IL3RA: variants seen among roughly 807,000 people sequenced by gnomAD.
IL3RA encodes interleukin 3 receptor subunit alpha.
In IL3RA, 73 loss-of-function variants were observed where a neutral mutation model predicts 52.3. That is an observed-to-expected ratio of 1.40 (90% confidence interval 1.16 to 1.70). IL3RA has a LOEUF of 1.70. Ranked by LOEUF, IL3RA falls within the 40% of genes most tolerant of loss-of-function variation. The pLI, the probability that IL3RA is intolerant of heterozygous loss-of-function variation, is 0.00. For synonymous variants in IL3RA, 260 were observed against 194.0 expected, an observed-to-expected ratio of 1.34 and a Z score of -2.83; for missense variants, 664 against 504.4, an observed-to-expected ratio of 1.32 and a Z score of -3.03.
rs574996377 is a variant in IL3RA, at chrX:1,348,309, C to T, written c.184-122C>T. 756 of 765,496 alleles carry T rather than the reference C, an allele frequency of 9.9e-4. 12 individuals are homozygous for T. The South Asian group carries it at 0.01, about 11-fold the overall frequency. 47.4% of individuals were successfully genotyped at this position (765,496 alleles called of 1,614,324 possible). ...GAGAGGCTGCAGTGAGCCGAGATCACGCCACTGCACTCCAGCGTGGGCGAC... is the reference window on the plus strand; with the variant it reads ...GAGAGGCTGCAGTGAGCCGAGATCATGCCACTGCACTCCAGCGTGGGCGAC... On this transcript the variant is annotated intron_variant, in intron 3 of 11. Coordinates refer to ENST00000331035, the MANE Select transcript of IL3RA (RefSeq NM_002183.4).
chrX:1,357,206 G>A (rs1430377224), intron 7 of IL3RA, among the ~76,000 whole-genome samples: 8 of 151,864 alleles, frequency 5.3e-5, no homozygotes, highest in Non-Finnish European at 1.0e-4. Flanking sequence ...CACCCGCCTC[G>A]GCCTCCCAAA....
intron 9 of IL3RA, among the ~76,000 whole-genome samples, chrX:1,368,697 G>C (rs1389968621): frequency 6.6e-5 from 10 of 151,624 alleles, no homozygotes; most frequent in Admixed American, 5.3e-4. Context: ...ACAGAGGGAC[G>C]ACCCTGTGGG....
At chrX:1,380,650 AG>A (rs2089132677) in intron 10 of IL3RA, among the ~76,000 whole-genome samples, 2 of 30,134 alleles carry the variant, frequency 6.6e-5, no homozygotes, top group Admixed American at 4.6e-4. Flanking sequence ...GGGGAGGGGG[AG>A]AGGGAGGGGT....
Position 1,340,115 on chromosome X carries a change from CTTTTTT to C in IL3RA, c.-38-1600_-38-1595del, listed in dbSNP as rs779128210. On this transcript the variant is annotated intron_variant, in intron 1 of 11. Transcript: ENST00000331035. The stretch of plus-strand genomic sequence containing the variant: ...GGGCAGCAACTCTTTCTTTTCTTTT[CTTTTTT>C]TTTTTTTTTTTTGAGACGGAGTCTC... 7.1e-4 allele frequency among the ~76,000 whole-genome samples: 90 copies of C among 127,196 alleles called. 1 individual carries two copies. Among genetic ancestry groups the C allele is most frequent in the African/African-American group, 2.6e-3 (88 of 34,472 alleles). 83.4% of individuals were successfully genotyped at this position (127,196 alleles called of 152,430 possible).
Position 1,355,826 on chromosome X carries a change from G to C in IL3RA, c.617-395G>C, listed in dbSNP as rs17880784. Reference sequence around the variant, plus strand: ...GGCATGGGAAGTAGGGGTTGGCCCTGGGCAGGGGTGGGGAGTGGGCCAGGC... The same window carrying C: ...GGCATGGGAAGTAGGGGTTGGCCCTCGGCAGGGGTGGGGAGTGGGCCAGGC... On this transcript the variant is annotated intron_variant, in intron 6 of 11. Transcript: ENST00000331035. Among the ~76,000 whole-genome samples the C allele has an allele frequency of 2.8e-3, 429 of 152,128 alleles. 1 individual carries two copies. The highest frequency in any genetic ancestry group is 0.01 in the African/African-American group (415 of 41,482).
intron 7 of IL3RA, among the ~76,000 whole-genome samples, chrX:1,358,117 A>G (rs1348530997): frequency 6.6e-6 from 1 of 151,876 alleles, no homozygotes; most frequent in Non-Finnish European, 1.5e-5. Flanking sequence ...GAGAAAAAAA[A>G]AAAAAGAAAA....
intron 7 of IL3RA, among the ~76,000 whole-genome samples, chrX:1,358,109 G>GA (rs1300082205): frequency 1.1e-3 from 152 of 132,886 alleles, no homozygotes; most frequent in Middle Eastern, 3.9e-3. Flanking sequence ...CGTCTCAGGA[G>GA]AAAAAAAAAA....
rs2085456842 is a variant in IL3RA at position 1,340,733 on chromosome X, C to T, written c.-38-995C>T. Among the ~76,000 whole-genome samples, 3 of 152,168 alleles carry T rather than the reference C, an allele frequency of 2.0e-5. No individual in the cohort carries two copies. In the South Asian group the frequency reaches 6.2e-4, roughly 32 times the overall value. ...GGGCACGGTGGCTCACACCTGTAAT[C>T]TCAGCACTTGGCGAGGAAAAGGCGG... On this transcript the variant is annotated intron_variant, in intron 1 of 11. Coordinates refer to ENST00000331035, the MANE Select transcript of IL3RA (RefSeq NM_002183.4).
intron 11 of IL3RA, 87 bp from the exon 12 acceptor site, chrX:1,382,304 G>C (rs1371660255): frequency 1.1e-5 from 13 of 1,171,014 alleles, no homozygotes; most frequent in African/African-American, 4.5e-5. Context: ...GAGCAGATCT[G>C]AGATGGGACA....
chrX:1,359,952 C>A (rs1357514350), intron 8 of IL3RA, among the ~76,000 whole-genome samples: 1 of 143,482 alleles, frequency 7.0e-6, no homozygotes, highest in Non-Finnish European at 1.5e-5. Context: ...TCTGTTTCTC[C>A]GTGTCTGTCT....
intron 7 of IL3RA, 92 bp downstream of exon 7, chrX:1,356,428 A>C (rs34573150): frequency 2.7e-6 from 2 of 732,730 alleles, no homozygotes; most frequent in South Asian, 3.3e-5. Context: ...ACGGGCAACA[A>C]TCTCCTCTGA....
intron 4 of IL3RA, among the ~76,000 whole-genome samples, chrX:1,351,483 C>T (rs1316854846): frequency 1.2e-4 from 18 of 150,948 alleles, no homozygotes; most frequent in Admixed American, 9.9e-4. Flanking sequence ...GGCCCGACAT[C>T]ACGCCCGGCT....
chrX:1,348,471 T>C lies in IL3RA; in HGVS notation c.224T>C (p.Leu75Ser), dbSNP rs758901711. The C allele has an allele frequency of 2.5e-6, 4 of 1,613,802 alleles. No homozygotes were observed. The highest frequency in any genetic ancestry group is 2.2e-5 in the South Asian group (2 of 91,084). The change falls in exon 4 of 12, where the codon TTA becomes TCA. Residue 75 changes from leucine to serine, a missense_variant. Coordinates refer to ENST00000331035, the MANE Select transcript of IL3RA (RefSeq NM_002183.4). ...TATTGCCAGTTTGGAGCAATTTCCT[T>C]ATGTGAAGTGACCAACTACACCGTC... is the stretch of plus-strand genomic sequence containing the variant. ...NSYCQFGAISLCEVTNYTVRV... is the reference protein window; with the variant it reads ...NSYCQFGAISSCEVTNYTVRV...
chrX:1,348,520 C>G lies in IL3RA; in HGVS notation c.273C>G (p.Ser91=), dbSNP rs143492315. 3 of 1,613,562 alleles carry G rather than the reference C, an allele frequency of 1.9e-6. No individual in the cohort carries two copies. In the Admixed American group the frequency reaches 5.0e-5, roughly 27 times the overall value. ...YTVRVANPPF[S]TWILFPENSG... is the part of the protein sequence containing the mutation. ...TCCGAGTGGCCAACCCACCATTCTC[C>G]ACGTGGATCCTCTTCCCTGAGAACA... Residue 91 remains serine, a synonymous_variant, in exon 4 of 12, where the codon TCC becomes TCG. Transcript: ENST00000331035.
At position 1,362,697 on chromosome X, in the gene IL3RA, G is replaced by T. The variant is rs140212003; in HGVS notation, c.760-2441G>T. ...GCTCCTGGGGACTCTGGGGTCCCTG[G>T]GCTTGTGGCCATATCACTCCACTCT... On this transcript the variant is annotated intron_variant, in intron 8 of 11. Coordinates refer to ENST00000331035, the MANE Select transcript of IL3RA (RefSeq NM_002183.4). Among the ~76,000 whole-genome samples, 460 of 152,168 alleles carry T rather than the reference G, an allele frequency of 3.0e-3. 2 individuals carry two copies. Among genetic ancestry groups the T allele is most frequent in the African/African-American group, 9.9e-3 (410 of 41,538 alleles).
rs1354448506 is a variant in IL3RA at position 1,352,618 on chromosome X, A to T, written c.616+112A>T. 9 of 1,127,710 alleles carry T rather than the reference A, an allele frequency of 8.0e-6. No homozygotes were observed. The African/African-American group carries it at 1.3e-4, about 16-fold the overall frequency. The allele number at this position is 1,127,710 out of a possible 1,614,324, so 69.9% of individuals were successfully genotyped here. Reference sequence around the variant, plus strand: ...CTCCCAACGCAGACGTTGGCCTCTCACATTTCCAGAGGCTGGACGTTGGAG... The same window carrying T: ...CTCCCAACGCAGACGTTGGCCTCTCTCATTTCCAGAGGCTGGACGTTGGAG... On this transcript the variant is annotated intron_variant, in intron 6 of 11. Transcript: ENST00000331035.
At chrX:1,350,187 G>A (rs2086019998) in intron 4 of IL3RA, among the ~76,000 whole-genome samples, 1 of 151,852 alleles carries the variant, frequency 6.6e-6, no homozygotes, top group African/African-American at 2.4e-5. Context: ...GGGCGCAGTG[G>A]CTCACGCCTG....
In IL3RA at chrX:1,348,430, G is replaced by C. The variant is rs374310959; in HGVS notation, c.184-1G>C. 2.4e-5 allele frequency: 38 copies of C among 1,607,830 alleles called. No homozygotes were observed. The highest frequency in any genetic ancestry group is 1.6e-4 in the East Asian group (7 of 44,832). On this transcript the variant is annotated splice_acceptor_variant, in intron 3 of 11. Coordinates refer to ENST00000331035, the MANE Select transcript of IL3RA (RefSeq NM_002183.4). LOFTEE classifies it high-confidence loss of function. ...CCATCATAGTCCTATGTCTCTCTTA[G>C]GCAGTGAACAATAGCTATTGCCAGT...
chrX:1,341,913 G>C (rs1318878755), intron 2 of IL3RA, 84 bp downstream of exon 2: 2 of 1,443,118 alleles, frequency 1.4e-6, no homozygotes, highest in Admixed American at 1.7e-5. Context: ...CCGTCCTTCA[G>C]GGAAACTTTT....
Sources: allele counts gnomAD v4.1 joint callset (sites outside exome capture counted in the v4.1 genomes callset), GRCh38; gene constraint gnomAD v4.1.1; transcripts MANE v1.5; gene names NCBI Gene and HGNC (gene_info 2026-07-23, HGNC 2026-07-21).